The following IFI44L variants were observed in gnomAD, a reference collection of about 807,000 sequenced individuals.
IFI44L encodes interferon induced protein 44 like.
IFI44L carries 40 observed loss-of-function variants against 39.3 expected under a neutral mutation model. The ratio of observed to expected loss-of-function variants is 1.02; its 90% CI spans 0.79 to 1.33. The LOEUF (loss-of-function observed/expected upper bound fraction) is 1.33, where lower values mean the gene tolerates loss of function less well. Among genes scored for constraint, IFI44L ranks in the 40% most tolerant of loss-of-function variants. IFI44L has a pLI of 0.00. For missense variants in IFI44L, 623 were observed against 549.0 expected (o/e 1.13, Z -1.35); for synonymous variants, 198 against 182.3 (o/e 1.09, Z -0.69).
At position 78,641,141 on chromosome 1, in the gene IFI44L, AC is replaced by A; in HGVS notation, c.1149+22del. ...AGCCGGGTAAAAAATGCTGATCATA[AC>A]CAGATATTATTGTAATAGTATCACA... On this transcript the variant is annotated intron_variant, in intron 7 of 8. Coordinates refer to ENST00000370751, the MANE Select transcript of IFI44L (RefSeq NM_006820.4). The A allele has an allele frequency of 6.7e-7, 1 of 1,483,718 alleles. No individual in the cohort carries two copies. Among genetic ancestry groups the A allele is most frequent in the Non-Finnish European group, 9.4e-7 (1 of 1,061,780 alleles). 91.9% of individuals were successfully genotyped at this position (1,483,718 alleles called of 1,614,324 possible). A position where few individuals can be genotyped will look rare whatever the true frequency, so the allele number is the denominator to read the frequency against.
In IFI44L at chr1:78,645,677, C is replaced by G. The variant is rs959841149; in HGVS notation, c.*3868C>G. 6.6e-6 allele frequency: 1 copy of G among 152,274 alleles called. No homozygotes were observed. Among genetic ancestry groups the G allele is most frequent in the East Asian group, 1.9e-4 (1 of 5,182 alleles). 9.4% of individuals were successfully genotyped at this position (152,274 alleles called of 1,614,324 possible). ...ACCAAAAGCCATGGGAATTTGGAAG[C>G]CCTCAAATCCCATTCCTAATCTGAT... On this transcript the variant is annotated 3_prime_UTR_variant, in exon 9 of 9. Transcript: ENST00000370751.
chr1:78,633,467 G>T (rs964008252), intron 4 of IFI44L, among the ~76,000 whole-genome samples: 1 of 152,164 alleles, frequency 6.6e-6, no homozygotes, highest in Non-Finnish European at 1.5e-5. Flanking sequence ...CACGGATGCC[G>T]CAGTGGCCCT....
chr1:78,621,677 A>G (rs559811246), intron 1 of IFI44L, among the ~76,000 whole-genome samples: 40 of 152,178 alleles, frequency 2.6e-4, no homozygotes, highest in African/African-American at 9.2e-4. Context: ...GTATGTGTGT[A>G]TATATTTATC....
At chr1:78,628,624 T>C (rs1462173007) in intron 2 of IFI44L, 2 of 527,320 alleles carry the variant, frequency 3.8e-6, no homozygotes, top group Admixed American at 3.7e-5. Context: ...TGTGCAGAGA[T>C]AGAGATGACA....
intron 4 of IFI44L, 80 bp from the exon 5 acceptor site, chr1:78,635,257 C>A: frequency 8.7e-7 from 1 of 1,154,720 alleles, no homozygotes; most frequent in Admixed American, 2.1e-5. Flanking sequence ...AAATATTAAC[C>A]AATCTCTTTT....
intron 2 of IFI44L, 49 bp from the exon 3 acceptor site, chr1:78,628,902 T>A: frequency 7.9e-7 from 1 of 1,259,874 alleles, no homozygotes; most frequent in Non-Finnish European, 1.2e-6. Context: ...TGGCCACATT[T>A]AACCAAACAA....
intron 4 of IFI44L, among the ~76,000 whole-genome samples, chr1:78,634,400 G>A (rs1652863588): frequency 6.6e-6 from 1 of 152,130 alleles, no homozygotes; most frequent in South Asian, 2.1e-4. Context: ...TGCAGGCCAA[G>A]AGAGTAGGAT....
intron 1 of IFI44L, chr1:78,625,735 ATAAT>A (rs1485608284): frequency 6.6e-6 from 1 of 151,998 alleles, no homozygotes; most frequent in Non-Finnish European, 1.5e-5. Flanking sequence ...GAAAGTCTAT[ATAAT>A]TAATTTTCAG....
chr1:78,641,758 G>A lies in IFI44L; in HGVS notation c.1325-17G>A, dbSNP rs776781299. The stretch of plus-strand genomic sequence containing the variant: ...GGATATATGTTTCATTTCCACTCTT[G>A]TTTGTTTCATTTTCAGGTGCAATTG... On this transcript the variant is annotated splice_polypyrimidine_tract_variant and intron_variant, in intron 8 of 8. Transcript: ENST00000370751. The A allele has an allele frequency of 3.7e-6, 6 of 1,613,518 alleles. No homozygotes were observed. The highest frequency in any genetic ancestry group is 5.1e-6 in the Non-Finnish European group (6 of 1,179,566).
Position 78,629,924 on chromosome 1 carries a change from T to C in IFI44L, c.723+9T>C, listed in dbSNP as rs772454778. 8 of 1,607,928 alleles carry C rather than the reference T, an allele frequency of 5.0e-6. No homozygotes were observed. In the African/African-American group the frequency reaches 5.4e-5, roughly 11 times the overall value. On this transcript the variant is annotated intron_variant, in intron 4 of 8. Transcript: ENST00000370751. ...CCAGCATAACCGAGCGGGTAAGTTA[T>C]TTCCCTGAGGATTTTATTTTATAGA...
chr1:78,636,916 T>C (rs1281359150), intron 5 of IFI44L, 116 bp from the exon 6 acceptor site: 18 of 716,564 alleles, frequency 2.5e-5, no homozygotes, highest in Non-Finnish European at 3.0e-5. Flanking sequence ...GGGGAAAGAG[T>C]AGCTGAGGAG....
intron 8 of IFI44L, 58 bp from the exon 9 acceptor site, chr1:78,641,717 C>G: frequency 6.2e-7 from 1 of 1,609,220 alleles, no homozygotes; most frequent in Admixed American, 1.7e-5. Flanking sequence ...ATGCCCTAGT[C>G]CTGAAAGCTA....
chr1:78,630,072 C>T (rs945894616), intron 4 of IFI44L, 157 bp downstream of exon 4: 10 of 683,852 alleles, frequency 1.5e-5, no homozygotes, highest in Admixed American at 1.3e-4. Context: ...CTCCATTGTG[C>T]TATATTATAC....
At chr1:78,623,553 T>TAA (rs2100471003) in intron 1 of IFI44L, among the ~76,000 whole-genome samples, 1 of 151,984 alleles carries the variant, frequency 6.6e-6, no homozygotes, top group African/African-American at 2.4e-5. Flanking sequence ...AAAAAAAAAC[T>TAA]AAGGAAATTT....
intron 4 of IFI44L, among the ~76,000 whole-genome samples, chr1:78,632,415 T>G (rs928657755): frequency 1.8e-4 from 28 of 152,300 alleles, no homozygotes; most frequent in African/African-American, 6.5e-4. Context: ...TAATATTGCA[T>G]GATGAAATGT....
chr1:78,622,630 T>C (rs758196452), intron 1 of IFI44L, among the ~76,000 whole-genome samples: 26 of 152,240 alleles, frequency 1.7e-4, no homozygotes, highest in South Asian at 4.1e-4. Flanking sequence ...AAATGTGATA[T>C]GTTAAGATTA....
chr1:78,633,174 A>G (rs1411073935), intron 4 of IFI44L, among the ~76,000 whole-genome samples: 1 of 152,212 alleles, frequency 6.6e-6, no homozygotes, highest in Non-Finnish European at 1.5e-5. Context: ...CCCAGGGAGC[A>G]TAGTGTGGAG....
chr1:78,638,535 T>TA (rs1653035911), intron 6 of IFI44L, among the ~76,000 whole-genome samples: 1 of 152,132 alleles, frequency 6.6e-6, no homozygotes, highest in Non-Finnish European at 1.5e-5. Flanking sequence ...TCAGAGTGGG[T>TA]AATTTCTATT....
chr1:78,636,296 C>G (rs369267022), intron 5 of IFI44L, among the ~76,000 whole-genome samples: 18 of 152,150 alleles, frequency 1.2e-4, no homozygotes, highest in African/African-American at 4.3e-4. Flanking sequence ...TCCAGGAGTT[C>G]ATAATCCAGT....
Sources: allele counts gnomAD v4.1 joint callset (sites outside exome capture counted in the v4.1 genomes callset), GRCh38; gene constraint gnomAD v4.1.1; transcripts MANE v1.5; gene names NCBI Gene and HGNC (gene_info 2026-07-23, HGNC 2026-07-21).